Variants in DPP10 observed in about 807,000 individuals in gnomAD.
DPP10 encodes inactive dipeptidyl peptidase 10.
In DPP10, 33 loss-of-function variants were observed where a neutral mutation model predicts 120.9. That is an observed-to-expected ratio of 0.27 (90% CI 0.21 to 0.37). The LOEUF is 0.37. DPP10 is among the 10% of genes least tolerant of loss of function. The probability of loss-of-function intolerance (pLI) is 1.00; values close to 1 mark genes in which losing one functional copy is unlikely to be tolerated. For missense variants in DPP10, 816 were observed against 942.8 expected (o/e 0.87, Z 1.76); for synonymous variants, 337 against 326.1 (o/e 1.03, Z -0.36).
chr2:115,650,017 C>CA (rs962635642), intron 5 of DPP10, among the ~76,000 whole-genome samples: 10 of 148,870 alleles, frequency 6.7e-5, no homozygotes, highest in Admixed American at 4.7e-4. Flanking sequence ...GATTTGTTGG[C>CA]AAAAAAAAAG....
At chr2:114,681,455 T>C (rs948357067) in intron 1 of DPP10, among the ~76,000 whole-genome samples, 1 of 151,966 alleles carries the variant, frequency 6.6e-6, no homozygotes, top group Non-Finnish European at 1.5e-5. Context: ...ATCTATTTCA[T>C]AGGGACCAGA....
At chr2:115,513,906 A>G (rs892950859) in intron 4 of DPP10, among the ~76,000 whole-genome samples, 4 of 152,006 alleles carry the variant, frequency 2.6e-5, no homozygotes, top group African/African-American at 9.7e-5. Flanking sequence ...ATTTCATTTC[A>G]GCCTGAAGGA....
intron 1 of DPP10, among the ~76,000 whole-genome samples, chr2:114,965,791 C>G (rs1428480393): frequency 1.3e-5 from 2 of 150,958 alleles, no homozygotes; most frequent in Non-Finnish European, 3.0e-5. Flanking sequence ...ACGGTGAAAC[C>G]CTGTCTCTAC....
chr2:114,953,988 A>T (rs1242664962), intron 1 of DPP10, among the ~76,000 whole-genome samples: 1 of 151,892 alleles, frequency 6.6e-6, no homozygotes, highest in African/African-American at 2.4e-5. Context: ...ATGGGTCAAG[A>T]CTTCTTGGAA....
intron 1 of DPP10, among the ~76,000 whole-genome samples, chr2:115,091,841 G>T (rs1371102382): frequency 6.6e-6 from 1 of 152,156 alleles, no homozygotes; most frequent in East Asian, 1.9e-4. Flanking sequence ...CCTATTTGTT[G>T]TTGAGTAGTG....
intron 1 of DPP10, among the ~76,000 whole-genome samples, chr2:114,459,369 TG>T (rs1678748794): frequency 6.6e-6 from 1 of 152,194 alleles, no homozygotes; most frequent in African/African-American, 2.4e-5. Flanking sequence ...TATCAGTCAG[TG>T]GTCCATGCTA....
rs139378908 is a variant in DPP10, at chr2:114,880,425, C to T, written c.61-428814C>T. 3.7e-3 allele frequency among the ~76,000 whole-genome samples: 568 copies of T among 152,268 alleles called. 4 individuals are homozygous for T. The highest frequency in any genetic ancestry group is 5.7e-3 in the Non-Finnish European group (387 of 68,004). Reference sequence around the variant, plus strand: ...GCATGCCAACCAGTAGCTGCATCAGCATAGTCAGATATAATTTTGTGAGCT... The same window carrying T: ...GCATGCCAACCAGTAGCTGCATCAGTATAGTCAGATATAATTTTGTGAGCT... On this transcript the variant is annotated intron_variant, in intron 1 of 25. Coordinates refer to ENST00000410059, the MANE Select transcript of DPP10 (RefSeq NM_020868.6).
chr2:114,661,579 C>A (rs139238471), intron 1 of DPP10, among the ~76,000 whole-genome samples: 1 of 152,290 alleles, frequency 6.6e-6, no homozygotes, highest in African/African-American at 2.4e-5. Context: ...CCATCTTAGA[C>A]ATCTTTGCAC....
intron 5 of DPP10, among the ~76,000 whole-genome samples, chr2:115,583,122 T>C (rs182452332): frequency 1.1e-4 from 16 of 152,364 alleles, no homozygotes; most frequent in Admixed American, 9.8e-4. Context: ...TTGGGTTTTA[T>C]ATGTTCCAGG....
At chr2:115,315,615 T>A (rs2061757859) in intron 2 of DPP10, among the ~76,000 whole-genome samples, 1 of 152,172 alleles carries the variant, frequency 6.6e-6, no homozygotes, top group South Asian at 2.1e-4. Context: ...TTTACCAGAT[T>A]TTTAGATTTG....
chr2:114,570,764 C>T (rs1239663663), intron 1 of DPP10, among the ~76,000 whole-genome samples: 4 of 139,358 alleles, frequency 2.9e-5, no homozygotes, highest in African/African-American at 5.4e-5. Flanking sequence ...ACCCGGGAGG[C>T]GGAGCTTGCA....
intron 1 of DPP10, among the ~76,000 whole-genome samples, chr2:114,815,204 T>C (rs1685525714): frequency 6.6e-6 from 1 of 152,202 alleles, no homozygotes; most frequent in African/African-American, 2.4e-5. Context: ...TTTACTTACA[T>C]TTGCATACAG....
chr2:115,337,156 A>G (rs1314139931), intron 2 of DPP10, among the ~76,000 whole-genome samples: 1 of 151,924 alleles, frequency 6.6e-6, no homozygotes, highest in Non-Finnish European at 1.5e-5. Context: ...AAAAAAAAAA[A>G]AAATTCCTAC....
At chr2:114,582,356 G>A (rs1014690316) in intron 1 of DPP10, among the ~76,000 whole-genome samples, 2 of 152,288 alleles carry the variant, frequency 1.3e-5, no homozygotes, top group South Asian at 2.1e-4. Context: ...GGATATGTTG[G>A]TTGCTTCCAA....
chr2:114,999,425 A>G (rs901344197), intron 1 of DPP10, among the ~76,000 whole-genome samples: 1 of 152,140 alleles, frequency 6.6e-6, no homozygotes, highest in African/African-American at 2.4e-5. Flanking sequence ...GCCATGTCGA[A>G]TTATTCACTT....
chr2:114,447,024 T>C (rs563682696), intron 1 of DPP10, among the ~76,000 whole-genome samples: 10 of 148,586 alleles, frequency 6.7e-5, no homozygotes, highest in Admixed American at 2.1e-4. Flanking sequence ...GCAATCTCAC[T>C]GGTTGTTAAA....
At chr2:114,899,184 A>T (rs1291602370) in intron 1 of DPP10, among the ~76,000 whole-genome samples, 7 of 151,910 alleles carry the variant, frequency 4.6e-5, no homozygotes, top group Non-Finnish European at 1.0e-4. Flanking sequence ...GAATATATAT[A>T]TAAGAATATA....
intron 1 of DPP10, among the ~76,000 whole-genome samples, chr2:115,251,962 A>G (rs1265085242): frequency 6.6e-5 from 10 of 152,196 alleles, no homozygotes; most frequent in Non-Finnish European, 1.3e-4. Flanking sequence ...TGTGTTGAAA[A>G]TTGCTACCAG....
rs867468788 is a variant in DPP10, at chr2:114,836,506, G to A, written c.60+393668G>A. 2.8e-4 allele frequency among the ~76,000 whole-genome samples: 42 copies of A among 152,250 alleles called. No homozygotes were observed. The East Asian group carries it at 5.2e-3, about 19-fold the overall frequency. ...AAAGGGGAGGGAGTGTACGAATAGC[G>A]TGTGGGTCACAAGAGATCACGTGGT... On this transcript the variant is annotated intron_variant, in intron 1 of 25. Transcript: ENST00000410059.
Sources: allele counts gnomAD v4.1 joint callset (sites outside exome capture counted in the v4.1 genomes callset), GRCh38; gene constraint gnomAD v4.1.1; transcripts MANE v1.5; gene names NCBI Gene and HGNC (gene_info 2026-07-23, HGNC 2026-07-21).